SMNDC1: variants seen among roughly 807,000 people sequenced by gnomAD.
SMNDC1 encodes survival motor neuron domain containing 1.
A neutral mutation model predicts 29.2 loss-of-function variants in SMNDC1; 5 were observed. The ratio of observed to expected loss-of-function variants is 0.17; its 90% CI spans 0.09 to 0.36. The LOEUF (loss-of-function observed/expected upper bound fraction) is 0.36, where lower values mean the gene tolerates loss of function less well. Among genes scored for constraint, SMNDC1 ranks in the 10% least tolerant of loss-of-function variants. SMNDC1 has a pLI of 1.00. For synonymous variants in SMNDC1, 80 were observed against 89.9 expected (o/e 0.89, Z 0.62); for missense variants, 142 against 268.5 (o/e 0.53, Z 3.29).
intron 4 of SMNDC1, among the ~76,000 whole-genome samples, chr10:110,295,912 G>T (rs1164566699): frequency 6.6e-6 from 1 of 152,188 alleles, no homozygotes; most frequent in Non-Finnish European, 1.5e-5. Context: ...AAAGTGTTGG[G>T]ATTACAGGCT....
intron 2 of SMNDC1, among the ~76,000 whole-genome samples, chr10:110,302,051 C>A (rs114840011): frequency 3.3e-5 from 5 of 152,170 alleles, no homozygotes; most frequent in African/African-American, 1.2e-4. Context: ...CCAGTGTTTT[C>A]TTTTCCTAAA....
At chr10:110,298,145 C>T (rs1328657610) in intron 3 of SMNDC1, among the ~76,000 whole-genome samples, 1 of 152,138 alleles carries the variant, frequency 6.6e-6, no homozygotes, top group Non-Finnish European at 1.5e-5. Context: ...CACGCCACCA[C>T]ACCTAACTGA....
chr10:110,292,367 A>G lies in SMNDC1; in HGVS notation c.*1783T>C, dbSNP rs189418988. ...AAAACTAAGGCCCCCCAGGGTCAAA[A>G]GAGGGACAAGACTGTTAACAGTCCT... is the stretch of plus-strand genomic sequence containing the variant. On this transcript the variant is annotated 3_prime_UTR_variant, in exon 6 of 6. Coordinates refer to ENST00000369603, the MANE Select transcript of SMNDC1 (RefSeq NM_005871.4). The G allele has an allele frequency of 5.3e-5, 8 of 152,270 alleles. No homozygotes were observed. Among genetic ancestry groups the G allele is most frequent in the African/African-American group, 1.7e-4 (7 of 41,552 alleles). 9.4% of individuals were successfully genotyped at this position (152,270 alleles called of 1,614,324 possible).
rs1288171875 is a variant in SMNDC1 at position 110,292,224 on chromosome 10, C to T, written c.*1926G>A. ...CTGACACTAGGATTTTCCAAAGGGC[C>T]ACATCTAGATCTTTGACACAAAGGT... On this transcript the variant is annotated 3_prime_UTR_variant, in exon 6 of 6. Transcript: ENST00000369603. The T allele has an allele frequency of 6.6e-6, 1 of 152,068 alleles. No homozygotes were observed. The highest frequency in any genetic ancestry group is 1.5e-5 in the Non-Finnish European group (1 of 68,008). The allele number at this position is 152,068 out of a possible 1,614,324, so 9.4% of individuals were successfully genotyped here.
rs1564731907 is a variant in SMNDC1, at chr10:110,292,046, T to C, written c.*2104A>G. 6.6e-6 allele frequency: 1 copy of C among 152,222 alleles called. No individual in the cohort carries two copies. The highest frequency in any genetic ancestry group is 1.5e-5 in the Non-Finnish European group (1 of 68,038). The allele number at this position is 152,222 out of a possible 1,614,324, so 9.4% of individuals were successfully genotyped here. On this transcript the variant is annotated 3_prime_UTR_variant, in exon 6 of 6. Transcript: ENST00000369603. ...CTTTTTAAGGTCAAGGTTTATATTTTGTTTCAGAATATAGAGAGCTTAACC... is the reference window on the plus strand; with the variant it reads ...CTTTTTAAGGTCAAGGTTTATATTTCGTTTCAGAATATAGAGAGCTTAACC...
chr10:110,294,851 GTGTATCAAGGGAAAC>G (rs1450583467), intron 5 of SMNDC1, among the ~76,000 whole-genome samples: 1 of 152,218 alleles, frequency 6.6e-6, no homozygotes, highest in Non-Finnish European at 1.5e-5. Flanking sequence ...CACAAGGTAA[GTGTATCAAGGGAAAC>G]TGAATGCACT....
intron 2 of SMNDC1, among the ~76,000 whole-genome samples, chr10:110,302,283 C>CT (rs1857663874): frequency 6.6e-6 from 1 of 152,168 alleles, no homozygotes; most frequent in Admixed American, 6.5e-5. Context: ...CCCAAAACAT[C>CT]TTTTTTGTAT....
At chr10:110,300,738 T>C in intron 2 of SMNDC1, 3 of 985,288 alleles carry the variant, frequency 3.0e-6, no homozygotes, top group Non-Finnish European at 3.6e-6. Context: ...AGAGAGCCAC[T>C]GTAATATATG....
intron 3 of SMNDC1, 124 bp downstream of exon 3, chr10:110,298,524 C>T (rs1009140754): frequency 2.7e-6 from 2 of 739,904 alleles, no homozygotes; most frequent in African/African-American, 3.5e-5. Context: ...CAAATTGGCT[C>T]TATAAATCAT....
At chr10:110,296,064 G>A (rs1564733014) in intron 4 of SMNDC1, among the ~76,000 whole-genome samples, 1 of 152,164 alleles carries the variant, frequency 6.6e-6, no homozygotes, top group East Asian at 1.9e-4. Context: ...TAGTTAACAA[G>A]TGCAGCATTT....
At chr10:110,297,399 T>C (rs1857580236) in intron 4 of SMNDC1, among the ~76,000 whole-genome samples, 168 bp downstream of exon 4, 1 of 152,190 alleles carries the variant, frequency 6.6e-6, no homozygotes, top group Admixed American at 6.5e-5. Context: ...TTATCTTCAC[T>C]TTACTTAGGC....
In SMNDC1 at chr10:110,300,822, C is replaced by T. The variant is rs555314883; in HGVS notation, c.121-2032G>A. 6.3e-5 allele frequency: 36 copies of T among 574,644 alleles called. No homozygotes were observed. In the South Asian group the frequency reaches 2.4e-3, roughly 38 times the overall value. The allele number at this position is 574,644 out of a possible 1,614,324, so 35.6% of individuals were successfully genotyped here. A position where few individuals can be genotyped will look rare whatever the true frequency, so the allele number is the denominator to read the frequency against. On this transcript the variant is annotated intron_variant, in intron 2 of 5. Coordinates refer to ENST00000369603, the MANE Select transcript of SMNDC1 (RefSeq NM_005871.4). Reference sequence around the variant, plus strand: ...AAACAGCCTAATAAATTGACTATCTCTGATTATCATAGACTGCCCGGGGAG... The same window carrying T: ...AAACAGCCTAATAAATTGACTATCTTTGATTATCATAGACTGCCCGGGGAG...
rs544417421 is a variant in SMNDC1, at chr10:110,293,089, G to T, written c.*1061C>A. 6.6e-6 allele frequency: 1 copy of T among 152,334 alleles called. No homozygotes were observed. The highest frequency in any genetic ancestry group is 1.5e-5 in the Non-Finnish European group (1 of 68,016). 9.4% of individuals were successfully genotyped at this position (152,334 alleles called of 1,614,324 possible). A position where few individuals can be genotyped will look rare whatever the true frequency, so the allele number is the denominator to read the frequency against. ...TAATAAAAGTTAAACATACAAAACT[G>T]AAATAATACACATCCTAAAAATTAC... On this transcript the variant is annotated 3_prime_UTR_variant, in exon 6 of 6. Coordinates refer to ENST00000369603, the MANE Select transcript of SMNDC1 (RefSeq NM_005871.4).
At position 110,292,080 on chromosome 10, in the gene SMNDC1, CT is replaced by C. The variant is rs1329879990; in HGVS notation, c.*2069del. On this transcript the variant is annotated 3_prime_UTR_variant, in exon 6 of 6. Transcript: ENST00000369603. ...ATATAGAGAGCTTAACCACCTTCAA[CT>C]GTAAAATACTGTGGGTATCATGCTT... The C allele has an allele frequency of 1.3e-5, 2 of 152,158 alleles. No homozygotes were observed. The highest frequency in any genetic ancestry group is 2.9e-5 in the Non-Finnish European group (2 of 68,010). 9.4% of individuals were successfully genotyped at this position (152,158 alleles called of 1,614,324 possible).
chr10:110,303,322 C>A, intron 2 of SMNDC1, 146 bp downstream of exon 2: 1 of 612,316 alleles, frequency 1.6e-6, no homozygotes, highest in Non-Finnish European at 2.7e-6. Flanking sequence ...GGGAAGCAAC[C>A]CTACTTCTAC....
chr10:110,303,593 G>C lies in SMNDC1; in HGVS notation c.1-6C>G. The C allele has an allele frequency of 6.3e-7, 1 of 1,575,896 alleles. No homozygotes were observed. The highest frequency in any genetic ancestry group is 8.6e-7 in the Non-Finnish European group (1 of 1,167,222). On this transcript the variant is annotated splice_polypyrimidine_tract_variant and splice_region_variant and intron_variant, in intron 1 of 5. Transcript: ENST00000369603. ...TTTGCTAAATCCTCTGACATCTAGG[G>C]AAAATAAAAAGGGTTAGACCATGAA...
chr10:110,301,532 C>A (rs1278952018), intron 2 of SMNDC1, among the ~76,000 whole-genome samples: 3 of 152,204 alleles, frequency 2.0e-5, no homozygotes, highest in African/African-American at 7.2e-5. Context: ...TTAAAACTTG[C>A]ACTTCTAAAT....
chr10:110,290,877 T>A lies in SMNDC1; in HGVS notation c.*3273A>T, dbSNP rs1432988502. ...CTGGTAGTTTTTTATCTTATAAAAA[T>A]TGTAATTATAAAATTACAATCTACA... On this transcript the variant is annotated 3_prime_UTR_variant, in exon 6 of 6. Transcript: ENST00000369603. 1 of 152,222 alleles carries A rather than the reference T, an allele frequency of 6.6e-6. No individual in the cohort carries two copies. The highest frequency in any genetic ancestry group is 1.5e-5 in the Non-Finnish European group (1 of 68,046). The allele number at this position is 152,222 out of a possible 1,614,324, so 9.4% of individuals were successfully genotyped here. A position where few individuals can be genotyped will look rare whatever the true frequency, so the allele number is the denominator to read the frequency against.
At chr10:110,294,413 G>T in intron 5 of SMNDC1, 126 bp from the exon 6 acceptor site, 1 of 775,708 alleles carries the variant, frequency 1.3e-6, no homozygotes, top group Non-Finnish European at 1.9e-6. Context: ...TATTGCCTTT[G>T]TTTAGTGTTA....
Sources: allele counts gnomAD v4.1 joint callset (sites outside exome capture counted in the v4.1 genomes callset), GRCh38; gene constraint gnomAD v4.1.1; transcripts MANE v1.5; gene names NCBI Gene and HGNC (gene_info 2026-07-23, HGNC 2026-07-21).